HADH: variants seen among roughly 807,000 people sequenced by gnomAD.
HADH encodes hydroxyacyl-coenzyme A dehydrogenase, mitochondrial.
A neutral mutation model predicts 32.2 loss-of-function variants in HADH; 24 were observed. That is an observed-to-expected ratio of 0.75 (90% confidence interval 0.54 to 1.05). The LOEUF is 1.05. Ranked by LOEUF, HADH falls within the 50% of genes least tolerant of loss-of-function variation. HADH has a pLI of 0.00. For missense variants in HADH, 350 were observed against 397.1 expected, an observed-to-expected ratio of 0.88 and a Z score of 1.01; for synonymous variants, 139 against 152.5, an observed-to-expected ratio of 0.91 and a Z score of 0.65.
intron 4 of HADH, among the ~76,000 whole-genome samples, chr4:108,023,062 C>T (rs564086046): frequency 1.9e-4 from 28 of 149,594 alleles, no homozygotes; most frequent in East Asian, 1.8e-3. Flanking sequence ...GGCATGATCT[C>T]GGCTCACTGC....
intron 1 of HADH, among the ~76,000 whole-genome samples, chr4:107,992,340 T>A (rs2126216989): frequency 6.6e-6 from 1 of 152,352 alleles, no homozygotes; most frequent in South Asian, 2.1e-4. Flanking sequence ...AAAACCTCAG[T>A]TACTTTAGTT....
In HADH at chr4:108,034,437, T is replaced by G. The variant is rs1736390647; in HGVS notation, c.*80T>G. The stretch of plus-strand genomic sequence containing the variant: ...CCCCGAGTGCCTGTGGGAATGCTCT[T>G]TGGTCAGACATTCCCTCACACAGTA... On this transcript the variant is annotated 3_prime_UTR_variant, in exon 8 of 8. Coordinates refer to ENST00000309522, the MANE Select transcript of HADH (RefSeq NM_005327.7). The G allele has an allele frequency of 1.2e-6, 1 of 815,734 alleles. No individual in the cohort carries two copies. Among genetic ancestry groups the G allele is most frequent in the Non-Finnish European group, 2.2e-6 (1 of 451,886 alleles). The allele number at this position is 815,734 out of a possible 1,614,324, so 50.5% of individuals were successfully genotyped here.
intron 1 of HADH, among the ~76,000 whole-genome samples, chr4:108,001,611 C>T (rs1184755277): frequency 2.0e-5 from 3 of 152,144 alleles, no homozygotes; most frequent in Admixed American, 1.3e-4. Flanking sequence ...TCAGTGGATG[C>T]GTGAAACTGC....
chr4:107,991,392 AAAC>A (rs1427668018), intron 1 of HADH, among the ~76,000 whole-genome samples: 1 of 152,128 alleles, frequency 6.6e-6, no homozygotes, highest in Non-Finnish European at 1.5e-5. Flanking sequence ...TGCTTTTTAA[AAAC>A]AAAAACAAAA....
intron 5 of HADH, chr4:108,026,780 C>G (rs912704566): frequency 6.6e-6 from 1 of 152,226 alleles, no homozygotes; most frequent in African/African-American, 2.4e-5. Context: ...TTTCTGCCCT[C>G]AGGAAGATCA....
chr4:108,031,956 G>T (rs1736282062), intron 6 of HADH: 1 of 178,426 alleles, frequency 5.6e-6, no homozygotes, highest in African/African-American at 2.4e-5. Context: ...ATCCTAATTA[G>T]TGTAGTTATT....
At chr4:108,009,973 C>CTTT in intron 2 of HADH, 86 bp downstream of exon 2, 1 of 525,844 alleles carries the variant, frequency 1.9e-6, no homozygotes, top group Non-Finnish European at 3.0e-6. Flanking sequence ...GGCTTTCTTT[C>CTTT]TTTCTTTTTT....
chr4:108,003,023 CAG>C (rs1735167426), intron 1 of HADH, among the ~76,000 whole-genome samples: 1 of 150,772 alleles, frequency 6.6e-6, no homozygotes, highest in Admixed American at 6.6e-5. Context: ...ACCTTTATGA[CAG>C]ATCAGGAAAC....
intron 4 of HADH, among the ~76,000 whole-genome samples, chr4:108,021,537 G>A (rs935367965): frequency 5.3e-5 from 8 of 152,054 alleles, no homozygotes; most frequent in African/African-American, 9.7e-5. Context: ...ATATATATAT[G>A]TATTTTTTTT....
intron 1 of HADH, among the ~76,000 whole-genome samples, chr4:107,993,732 T>A (rs759917147): frequency 5.9e-5 from 9 of 152,100 alleles, no homozygotes; most frequent in Non-Finnish European, 1.0e-4. Flanking sequence ...TGTTTTAAAT[T>A]AAAAAAACAA....
At chr4:108,015,092 A>G (rs901348084) in intron 3 of HADH, among the ~76,000 whole-genome samples, 22 of 152,226 alleles carry the variant, frequency 1.4e-4, no homozygotes, top group African/African-American at 5.3e-4. Flanking sequence ...CAATAAACAT[A>G]TGAGTGCAGG....
chr4:108,006,782 A>AT (rs1205936289), intron 1 of HADH, among the ~76,000 whole-genome samples: 6 of 152,158 alleles, frequency 3.9e-5, no homozygotes, highest in Admixed American at 2.0e-4. Flanking sequence ...GGAAACTGTC[A>AT]TTTGTCTGGA....
At chr4:107,990,111 C>T (rs1329377984) in intron 1 of HADH, 47 bp downstream of exon 1, 45 of 1,569,052 alleles carry the variant, frequency 2.9e-5, no homozygotes, top group Admixed American at 5.4e-5. Context: ...GCCGCCCACC[C>T]TGAGGTGGAA....
At chr4:108,023,368 T>A in intron 4 of HADH, 106 bp from the exon 5 acceptor site, 1 of 743,686 alleles carries the variant, frequency 1.3e-6, no homozygotes, top group Non-Finnish European at 2.5e-6. Flanking sequence ...AAACTCAAAC[T>A]ATTTTTGTTG....
chr4:107,999,375 C>A (rs1735048097), intron 1 of HADH, among the ~76,000 whole-genome samples: 1 of 152,192 alleles, frequency 6.6e-6, no homozygotes, highest in Admixed American at 6.5e-5. Flanking sequence ...GTCACAACCA[C>A]CAGTACTAGA....
At chr4:107,994,567 T>C (rs1191140582) in intron 1 of HADH, among the ~76,000 whole-genome samples, 1 of 152,192 alleles carries the variant, frequency 6.6e-6, no homozygotes. Flanking sequence ...ACTGCTTTGC[T>C]TGCAAAGCAG....
intron 3 of HADH, among the ~76,000 whole-genome samples, chr4:108,017,818 G>T (rs62311428): frequency 0.041 from 6,185 of 152,178 alleles, 134 homozygotes; most frequent in Non-Finnish European, 0.057. Context: ...TAAAGTGCTG[G>T]TATTACAAGT....
At chr4:108,019,748 C>A in intron 4 of HADH, 82 bp downstream of exon 4, 1 of 1,524,200 alleles carries the variant, frequency 6.6e-7, no homozygotes, top group Non-Finnish European at 9.1e-7. Flanking sequence ...CCAGCCCTGC[C>A]ACCAGTTGCC....
At chr4:108,017,545 A>G (rs993932613) in intron 3 of HADH, among the ~76,000 whole-genome samples, 1 of 151,690 alleles carries the variant, frequency 6.6e-6, no homozygotes, top group East Asian at 1.9e-4. Flanking sequence ...TTCCAGGAAC[A>G]TGTAAGAGTA....
Sources: gnomAD v4.1 joint callset for allele counts (sites outside exome capture counted in the v4.1 genomes callset) on GRCh38, gnomAD v4.1.1 for gene constraint, MANE v1.5 for transcripts, NCBI Gene and HGNC (gene_info 2026-07-23, HGNC 2026-07-21) for gene names.